CDC14A: variants seen among roughly 807,000 people sequenced by gnomAD.
CDC14A encodes the protein dual specificity protein phosphatase CDC14A.
A neutral mutation model predicts 74.4 loss-of-function variants in CDC14A; 53 were observed. The ratio of observed to expected loss-of-function variants is 0.71; its 90% confidence interval spans 0.57 to 0.89. The LOEUF (loss-of-function observed/expected upper bound fraction) is 0.89, where lower values mean the gene tolerates loss of function less well. Ranked by LOEUF, CDC14A falls within the 40% of genes least tolerant of loss-of-function variation. The probability of loss-of-function intolerance (pLI) is 0.00; values close to 1 mark genes in which losing one functional copy is unlikely to be tolerated. For missense variants in CDC14A, 646 were observed against 713.7 expected, an observed-to-expected ratio of 0.91 and a Z score of 1.08; for synonymous variants, 247 against 258.4, an observed-to-expected ratio of 0.96 and a Z score of 0.43.
chr1:100,382,211 CTTTTTTTT>C (rs557184435), intron 3 of CDC14A, among the ~76,000 whole-genome samples: 3 of 105,162 alleles, frequency 2.9e-5, no homozygotes, highest in Non-Finnish European at 5.8e-5. Flanking sequence ...TTCCTCTATT[CTTTTTTTT>C]TTTTTTTTTT....
intron 2 of CDC14A, among the ~76,000 whole-genome samples, chr1:100,359,944 CTTT>C (rs750715999): frequency 3.2e-5 from 4 of 124,678 alleles, no homozygotes; most frequent in Non-Finnish European, 5.3e-5. Flanking sequence ...TCACCTTCTT[CTTT>C]TTTTTTTTTT....
chr1:100,506,947 G>A (rs1200243113), intron 15 of CDC14A, among the ~76,000 whole-genome samples: 1 of 152,186 alleles, frequency 6.6e-6, no homozygotes. Flanking sequence ...AGGCTAAGGC[G>A]AGAGGATCAC....
At chr1:100,353,061 C>T (rs1280692459) in intron 1 of CDC14A, 58 bp downstream of exon 1, 1 of 1,571,228 alleles carries the variant, frequency 6.4e-7, no homozygotes, top group South Asian at 1.1e-5. Flanking sequence ...TCTTCACTTC[C>T]CGCGCCACTG....
At chr1:100,382,204 C>T (rs1656217856) in intron 3 of CDC14A, among the ~76,000 whole-genome samples, 1 of 148,534 alleles carries the variant, frequency 6.7e-6, no homozygotes, top group South Asian at 2.1e-4. Context: ...GAATACCTTC[C>T]TCTATTCTTT....
At chr1:100,381,859 T>C (rs1052832425) in intron 3 of CDC14A, among the ~76,000 whole-genome samples, 3 of 152,190 alleles carry the variant, frequency 2.0e-5, no homozygotes, top group Admixed American at 6.5e-5. Context: ...TGCTGTTTGG[T>C]CTTTCCCCTA....
At chr1:100,468,853 A>T (rs1273366758) in intron 10 of CDC14A, among the ~76,000 whole-genome samples, 1 of 152,178 alleles carries the variant, frequency 6.6e-6, no homozygotes, top group East Asian at 1.9e-4. Flanking sequence ...ACTATCTATT[A>T]GTGATATCTT....
chr1:100,364,298 C>T (rs989201913), intron 2 of CDC14A, among the ~76,000 whole-genome samples: 6 of 151,684 alleles, frequency 4.0e-5, no homozygotes, highest in African/African-American at 1.5e-4. Flanking sequence ...ACCTCTGCCT[C>T]CCAGGTTCAA....
At chr1:100,517,655 T>A (rs1477435392) in intron 15 of CDC14A, among the ~76,000 whole-genome samples, 12 of 152,234 alleles carry the variant, frequency 7.9e-5, no homozygotes, top group Admixed American at 7.8e-4. Flanking sequence ...CTATTGTTTA[T>A]TAAATTCCGA....
intron 4 of CDC14A, among the ~76,000 whole-genome samples, chr1:100,403,346 C>T (rs1245576538): frequency 6.6e-6 from 1 of 152,190 alleles, no homozygotes; most frequent in East Asian, 1.9e-4. Flanking sequence ...TCACTGCTCA[C>T]TAATGGGTTG....
At chr1:100,437,118 G>A (rs1043450854) in intron 5 of CDC14A, among the ~76,000 whole-genome samples, 4 of 152,138 alleles carry the variant, frequency 2.6e-5, no homozygotes, top group Non-Finnish European at 4.4e-5. Context: ...CCCAGGAGGT[G>A]GAGGCTGCAG....
chr1:100,424,472 A>G (rs1662720073), intron 5 of CDC14A, among the ~76,000 whole-genome samples, 171 bp downstream of exon 5: 1 of 152,186 alleles, frequency 6.6e-6, no homozygotes, highest in African/African-American at 2.4e-5. Context: ...CCCCCTAGCT[A>G]GCAAGAATAA....
intron 7 of CDC14A, among the ~76,000 whole-genome samples, chr1:100,454,652 A>G (rs763388585): frequency 2.6e-5 from 4 of 152,198 alleles, no homozygotes; most frequent in Admixed American, 6.5e-5. Flanking sequence ...GCCAATGGGC[A>G]TGTTTTATTT....
chr1:100,411,623 C>G (rs1472816072), intron 4 of CDC14A, among the ~76,000 whole-genome samples: 1 of 152,148 alleles, frequency 6.6e-6, no homozygotes, highest in Non-Finnish European at 1.5e-5. Context: ...GCCTTCCCTT[C>G]TAATAAAAAC....
At position 100,373,492 on chromosome 1, in the gene CDC14A, T is replaced by C. The variant is rs377324534; in HGVS notation, c.141-4054T>C. On this transcript the variant is annotated intron_variant, in intron 2 of 15. Coordinates refer to ENST00000336454, the MANE Select transcript of CDC14A (RefSeq NM_003672.4). The stretch of plus-strand genomic sequence containing the variant: ...GAGACATGAAGTGAGCACATGCTGT[T>C]GGAGAAATGGAACTGATAGACTTGC... Among the ~76,000 whole-genome samples the C allele has an allele frequency of 5.9e-5, 9 of 152,318 alleles. No individual in the cohort carries two copies. The South Asian group carries it at 1.7e-3, about 28-fold the overall frequency.
intron 3 of CDC14A, among the ~76,000 whole-genome samples, chr1:100,379,772 G>C (rs1032989284): frequency 6.6e-6 from 1 of 152,160 alleles, no homozygotes; most frequent in Non-Finnish European, 1.5e-5. Context: ...TCTGCTTCTG[G>C]TGAGTCCCTC....
upstream of CDC14A, chr1:100,351,737 G>T (rs1250900883): frequency 6.5e-7 from 1 of 1,550,206 alleles, no homozygotes; most frequent in Non-Finnish European, 8.7e-7. Context: ...CGGCCCAGAT[G>T]AGAGGGCGTG....
chr1:100,486,817 A>G (rs185051160), intron 11 of CDC14A, among the ~76,000 whole-genome samples: 1 of 152,332 alleles, frequency 6.6e-6, no homozygotes, highest in East Asian at 1.9e-4. Flanking sequence ...TTTACACAGC[A>G]TCATGTATGG....
chr1:100,400,704 G>C (rs1379436898), intron 4 of CDC14A, among the ~76,000 whole-genome samples: 1 of 152,124 alleles, frequency 6.6e-6, no homozygotes, highest in Non-Finnish European at 1.5e-5. Flanking sequence ...TTCAATTTCA[G>C]ACTCTTTGAG....
At chr1:100,364,433 C>G (rs1004575265) in intron 2 of CDC14A, among the ~76,000 whole-genome samples, 3 of 151,856 alleles carry the variant, frequency 2.0e-5, no homozygotes, top group Non-Finnish European at 4.4e-5. Flanking sequence ...AGGATGGTCT[C>G]AATCTCTTGA....
Sources: allele counts gnomAD v4.1 joint callset (sites outside exome capture counted in the v4.1 genomes callset), GRCh38; gene constraint gnomAD v4.1.1; transcripts MANE v1.5; gene names NCBI Gene and HGNC (gene_info 2026-07-23, HGNC 2026-07-21).